Variants in MYZAP observed in about 807,000 individuals in gnomAD.
MYZAP encodes the protein myocardial zonula adherens protein.
In MYZAP, 66 loss-of-function variants were observed where a neutral mutation model predicts 69.4. The observed-to-expected ratio is 0.95, with a 90% CI of 0.78 to 1.17. The LOEUF (loss-of-function observed/expected upper bound fraction) is 1.17, where lower values mean the gene tolerates loss of function less well. Ranked by LOEUF, MYZAP falls within the 50% of genes most tolerant of loss-of-function variation. MYZAP has a pLI of 0.00. For synonymous variants in MYZAP, 256 were observed against 205.9 expected, an observed-to-expected ratio of 1.24 and a Z score of -2.09; for missense variants, 611 against 556.2, an observed-to-expected ratio of 1.10 and a Z score of -0.99.
intron 2 of MYZAP, among the ~76,000 whole-genome samples, chr15:57,611,892 A>T (rs1567204975): frequency 1.3e-5 from 2 of 152,150 alleles, no homozygotes; most frequent in East Asian, 1.9e-4. Context: ...GGCATACACC[A>T]CTGCGCCTGG....
chr15:57,665,779 A>G lies in MYZAP; in HGVS notation c.1203+4246A>G, dbSNP rs2038540071. Among the ~76,000 whole-genome samples the G allele has an allele frequency of 2.0e-5, 3 of 152,340 alleles. No homozygotes were observed. In the South Asian group the frequency reaches 6.2e-4, roughly 32 times the overall value. On this transcript the variant is annotated intron_variant, in intron 11 of 12. Coordinates refer to ENST00000267853, the MANE Select transcript of MYZAP (RefSeq NM_001018100.5). ...GCTATGGAGGAGGTCTTGACACCAC[A>G]GAAATTGACATATGTCACAATCAGA... is the stretch of plus-strand genomic sequence containing the variant.
At chr15:57,629,919 CT>C (rs1240991654) in intron 6 of MYZAP, 65 bp downstream of exon 6, 1 of 1,542,672 alleles carries the variant, frequency 6.5e-7, no homozygotes, top group African/African-American at 1.4e-5. Flanking sequence ...TCCCTTTTCT[CT>C]TCCCATCTTC....
intron 11 of MYZAP, among the ~76,000 whole-genome samples, chr15:57,664,538 T>C (rs4461013): frequency 1 from 151,939 of 152,374 alleles, 75,756 homozygotes; most frequent in Middle Eastern, 1. Flanking sequence ...AACTCTCCAC[T>C]TGATTGCTCT....
chr15:57,606,541 C>A (rs377346394), intron 2 of MYZAP, among the ~76,000 whole-genome samples: 1 of 132,954 alleles, frequency 7.5e-6, no homozygotes, highest in South Asian at 2.3e-4. Context: ...AGCACATGGA[C>A]GCAGGAAGGG....
chr15:57,645,352 C>G (rs1270801394), intron 10 of MYZAP, among the ~76,000 whole-genome samples: 5 of 152,156 alleles, frequency 3.3e-5, no homozygotes, highest in African/African-American at 4.8e-5. Context: ...GGCTCTCTAG[C>G]CAGTTGGCCA....
rs556657298 is a variant in MYZAP at position 57,681,523 on chromosome 15, C to T, written c.1305-2879C>T. The stretch of plus-strand genomic sequence containing the variant: ...TAGAGGCTTGGCGTGGTGGCTCACG[C>T]CTGTAATCCCAGCACTTTGGGAGGC... On this transcript the variant is annotated intron_variant, in intron 12 of 12. Transcript: ENST00000267853. 6.9e-4 allele frequency among the ~76,000 whole-genome samples: 105 copies of T among 152,334 alleles called. 2 individuals are homozygous for T. In the South Asian group the frequency reaches 0.014, roughly 20 times the overall value.
chr15:57,625,631 T>C lies in MYZAP; in HGVS notation c.412-148T>C, dbSNP rs371783488. The C allele has an allele frequency of 1.5e-4, 105 of 715,870 alleles. 1 individual carries two copies. The East Asian group carries it at 2.4e-3, about 16-fold the overall frequency. The allele number at this position is 715,870 out of a possible 1,614,324, so 44.3% of individuals were successfully genotyped here. ...GATTCTTGCCCTTCTCTCTGGATCA[T>C]GCAGATGTTGACTTTTAATTTAAAG... is the stretch of plus-strand genomic sequence containing the variant. On this transcript the variant is annotated intron_variant, in intron 4 of 12. Transcript: ENST00000267853.
At chr15:57,625,742 G>C in intron 4 of MYZAP, 37 bp from the exon 5 acceptor site, 1 of 1,595,572 alleles carries the variant, frequency 6.3e-7, no homozygotes, top group African/African-American at 1.3e-5. Context: ...AACGTGTAGG[G>C]ATTGATTTTG....
At chr15:57,644,592 G>A (rs1231218526) in intron 10 of MYZAP, among the ~76,000 whole-genome samples, 5 of 151,944 alleles carry the variant, frequency 3.3e-5, no homozygotes, top group African/African-American at 9.7e-5. Context: ...CTATAGGCAC[G>A]TGCACCCATG....
intron 1 of MYZAP, 112 bp from the exon 2 acceptor site, chr15:57,604,157 A>G: frequency 9.0e-7 from 1 of 1,115,568 alleles, no homozygotes; most frequent in Non-Finnish European, 1.3e-6. Context: ...TGATCAGGAC[A>G]GTGTTCCCCA....
At chr15:57,669,225 A>G (rs1202973911) in intron 11 of MYZAP, among the ~76,000 whole-genome samples, 1 of 152,046 alleles carries the variant, frequency 6.6e-6, no homozygotes, top group Non-Finnish European at 1.5e-5. Flanking sequence ...TTTTCAATTA[A>G]CCATTTATTT....
At chr15:57,605,495 C>T (rs1280668710) in intron 2 of MYZAP, among the ~76,000 whole-genome samples, 5 of 152,202 alleles carry the variant, frequency 3.3e-5, no homozygotes, top group Non-Finnish European at 5.9e-5. Context: ...GAAAGCTTCT[C>T]ATCGATGGCT....
At position 57,627,368 on chromosome 15, in the gene MYZAP, AGAGAGG is replaced by A. The variant is rs1326620333; in HGVS notation, c.525+1486_525+1491del. On this transcript the variant is annotated intron_variant, in intron 5 of 12. Transcript: ENST00000267853. ...GAGAAACAGAAAGAGAGAGACAAAG[AGAGAGG>A]GAGAGGGAGGGGGAGGGGGAGGGGG... 1.0e-4 allele frequency among the ~76,000 whole-genome samples: 10 copies of A among 95,284 alleles called. No homozygotes were observed. The South Asian group carries it at 2.7e-3, about 25-fold the overall frequency. 62.5% of individuals were successfully genotyped at this position (95,284 alleles called of 152,430 possible).
chr15:57,634,511 C>A (rs1043492382), intron 8 of MYZAP, among the ~76,000 whole-genome samples: 12 of 152,232 alleles, frequency 7.9e-5, no homozygotes, highest in East Asian at 1.9e-4. Context: ...ATTCGGGATG[C>A]CAAGAATCTC....
At chr15:57,638,475 G>GA (rs1259762576) in intron 9 of MYZAP, among the ~76,000 whole-genome samples, 2 of 152,080 alleles carry the variant, frequency 1.3e-5, no homozygotes, top group African/African-American at 4.8e-5. Flanking sequence ...AGTACGTGCT[G>GA]AAAAAATACC....
intron 10 of MYZAP, among the ~76,000 whole-genome samples, chr15:57,652,179 C>T (rs2037760730): frequency 6.6e-6 from 1 of 152,110 alleles, no homozygotes; most frequent in African/African-American, 2.4e-5. Context: ...TCCATTCCTT[C>T]ATTGATTTTT....
intron 1 of MYZAP, among the ~76,000 whole-genome samples, chr15:57,593,178 G>C (rs1231726066): frequency 5.0e-5 from 3 of 59,574 alleles, no homozygotes; most frequent in Non-Finnish European, 9.0e-5. Flanking sequence ...CTTAGGTTGT[G>C]TACACAGGCG....
intron 6 of MYZAP, among the ~76,000 whole-genome samples, chr15:57,631,583 AC>A (rs570011277): frequency 1.3e-5 from 2 of 152,234 alleles, no homozygotes; most frequent in South Asian, 4.1e-4. Flanking sequence ...AATGGAGCAC[AC>A]AGCACACAGG....
chr15:57,620,645 C>T (rs80058064), intron 3 of MYZAP, among the ~76,000 whole-genome samples: 2,263 of 152,290 alleles, frequency 0.015, 30 homozygotes, highest in South Asian at 0.045. Context: ...TACTGCCTTG[C>T]GTGTTATTGG....
Sources: allele counts gnomAD v4.1 joint callset (sites outside exome capture counted in the v4.1 genomes callset), GRCh38; gene constraint gnomAD v4.1.1; transcripts MANE v1.5; gene names NCBI Gene and HGNC (gene_info 2026-07-23, HGNC 2026-07-21).